The following SCAPER variants were observed in gnomAD, a reference collection of about 807,000 sequenced individuals.
SCAPER encodes S phase cyclin A-associated protein in the endoplasmic reticulum.
A neutral mutation model predicts 182.2 loss-of-function variants in SCAPER; 98 were observed. The observed-to-expected ratio is 0.54, with a 90% CI of 0.46 to 0.64. SCAPER has a LOEUF of 0.64. Among genes scored for constraint, SCAPER ranks in the 30% least tolerant of loss-of-function variants. The probability of loss-of-function intolerance (pLI) is 0.00; values close to 1 mark genes in which losing one functional copy is unlikely to be tolerated. For synonymous variants in SCAPER, 605 were observed against 564.6 expected (o/e 1.07, Z -1.01); for missense variants, 1,432 against 1,690.0 (o/e 0.85, Z 2.68).
chr15:76,810,210 T>C (rs1366546083), intron 5 of SCAPER, among the ~76,000 whole-genome samples: 1 of 152,088 alleles, frequency 6.6e-6, no homozygotes, highest in African/African-American at 2.4e-5. Context: ...GAACATTTTA[T>C]GACTATAACA....
chr15:76,682,113 TG>T (rs2057747876), intron 20 of SCAPER, among the ~76,000 whole-genome samples: 1 of 152,164 alleles, frequency 6.6e-6, no homozygotes, highest in African/African-American at 2.4e-5. Context: ...ACACTTCATC[TG>T]ACCATCAGAG....
At chr15:76,445,269 T>C (rs914359756) in intron 25 of SCAPER, among the ~76,000 whole-genome samples, 6 of 152,238 alleles carry the variant, frequency 3.9e-5, no homozygotes, top group East Asian at 1.9e-4. Flanking sequence ...TTTAAGCATA[T>C]TTGTAATTGC....
intron 19 of SCAPER, 80 bp from the exon 20 acceptor site, chr15:76,701,945 G>A (rs115541015): frequency 1.1e-6 from 1 of 928,460 alleles, no homozygotes; most frequent in African/African-American, 1.6e-5. Flanking sequence ...TCCAGTATAT[G>A]ATATGTGAGT....
At chr15:76,754,082 G>A in intron 14 of SCAPER, 134 bp from the exon 15 acceptor site, 1 of 953,976 alleles carries the variant, frequency 1.0e-6, no homozygotes, top group East Asian at 2.5e-5. Flanking sequence ...TAACAATTAA[G>A]GACACAGACT....
chr15:76,678,329 G>GA (rs1300582903), intron 20 of SCAPER, among the ~76,000 whole-genome samples: 3 of 151,900 alleles, frequency 2.0e-5, no homozygotes, highest in Non-Finnish European at 4.4e-5. Context: ...ATGTCATTTG[G>GA]AAAAAAATTT....
chr15:76,899,010 CATG>C (rs1411717030), intron 1 of SCAPER, among the ~76,000 whole-genome samples: 9 of 152,198 alleles, frequency 5.9e-5, no homozygotes, highest in African/African-American at 1.7e-4. Context: ...TTACTACCTT[CATG>C]ATATTTGCCA....
intron 27 of SCAPER, among the ~76,000 whole-genome samples, chr15:76,401,409 C>G (rs1004618121): frequency 6.6e-6 from 1 of 152,194 alleles, no homozygotes; most frequent in Non-Finnish European, 1.5e-5. Context: ...ATTGACCTTA[C>G]TGGCCCTCAA....
intron 1 of SCAPER, among the ~76,000 whole-genome samples, chr15:76,893,249 A>C (rs1341654197): frequency 6.6e-6 from 1 of 152,196 alleles, no homozygotes; most frequent in Non-Finnish European, 1.5e-5. Context: ...TGGGTGCAGC[A>C]AACCAACATG....
intron 26 of SCAPER, among the ~76,000 whole-genome samples, chr15:76,406,782 G>A (rs1245244971): frequency 6.6e-6 from 1 of 152,036 alleles, no homozygotes; most frequent in Non-Finnish European, 1.5e-5. Context: ...TATTTCATAT[G>A]GTCCTGGGGG....
chr15:76,730,080 A>G (rs56381843), intron 16 of SCAPER, among the ~76,000 whole-genome samples: 13,481 of 152,168 alleles, frequency 0.089, 722 homozygotes, highest in African/African-American at 0.14. Flanking sequence ...AGTTCTCAGC[A>G]TAGAGTTTAG....
intron 10 of SCAPER, 64 bp downstream of exon 10, chr15:76,771,677 GT>G: frequency 8.5e-7 from 1 of 1,179,416 alleles, no homozygotes; most frequent in Non-Finnish European, 1.3e-6. Context: ...TATTATTGGG[GT>G]TTATGCTTCT....
chr15:76,707,581 T>C (rs960766167), intron 17 of SCAPER, among the ~76,000 whole-genome samples: 1 of 152,078 alleles, frequency 6.6e-6, no homozygotes, highest in Non-Finnish European at 1.5e-5. Flanking sequence ...ATAAATTACA[T>C]GAAACTAGCA....
At chr15:76,569,677 C>T (rs1192980382) in intron 23 of SCAPER, among the ~76,000 whole-genome samples, 2 of 151,968 alleles carry the variant, frequency 1.3e-5, no homozygotes, top group Non-Finnish European at 2.9e-5. Flanking sequence ...ATAAATTAGA[C>T]ATTTTCATCA....
chr15:76,573,632 AG>A (rs1260316495), intron 23 of SCAPER, among the ~76,000 whole-genome samples: 1 of 152,140 alleles, frequency 6.6e-6, no homozygotes, highest in Non-Finnish European at 1.5e-5. Flanking sequence ...TTGCTATTAC[AG>A]GAAGTTTTAT....
At chr15:76,702,734 C>G in intron 19 of SCAPER, 116 bp downstream of exon 19, 1 of 1,198,588 alleles carries the variant, frequency 8.3e-7, no homozygotes. Flanking sequence ...CAGGTGTGAG[C>G]TGCCACATCT....
At position 76,393,802 on chromosome 15, in the gene SCAPER, T is replaced by C. The variant is rs143344862; in HGVS notation, c.3467+10722A>G. Among the ~76,000 whole-genome samples, 749 of 152,336 alleles carry C rather than the reference T, an allele frequency of 4.9e-3. 5 individuals carry two copies. The highest frequency in any genetic ancestry group is 8.7e-3 in the South Asian group (42 of 4,834). ...TCTCTCACTGCCAGGATGCTTGTTC[T>C]TGGAACACAGCCACCATGCTGTGAG... On this transcript the variant is annotated intron_variant, in intron 27 of 31. Transcript: ENST00000563290.
intron 23 of SCAPER, among the ~76,000 whole-genome samples, chr15:76,565,222 G>C (rs1193819941): frequency 6.6e-6 from 1 of 152,116 alleles, no homozygotes; most frequent in Non-Finnish European, 1.5e-5. Flanking sequence ...AGAGTAAACA[G>C]ATAACCTACA....
At chr15:76,650,561 C>T (rs920025557) in intron 21 of SCAPER, among the ~76,000 whole-genome samples, 9 of 151,776 alleles carry the variant, frequency 5.9e-5, no homozygotes, top group Non-Finnish European at 8.8e-5. Flanking sequence ...ATTTTTTAAA[C>T]ATAATAATGA....
At chr15:76,620,306 A>G (rs745487030) in intron 22 of SCAPER, among the ~76,000 whole-genome samples, 8 of 152,174 alleles carry the variant, frequency 5.3e-5, no homozygotes, top group African/African-American at 9.7e-5. Context: ...AGAGTCTAGC[A>G]TAAGGTAATG....
Sources: gnomAD v4.1 joint callset for allele counts (sites outside exome capture counted in the v4.1 genomes callset) on GRCh38, gnomAD v4.1.1 for gene constraint, MANE v1.5 for transcripts, NCBI Gene and HGNC (gene_info 2026-07-23, HGNC 2026-07-21) for gene names.